Variants in NCALD observed in about 807,000 individuals in gnomAD.
The protein encoded by NCALD is neurocalcin delta.
A neutral mutation model predicts 18.6 loss-of-function variants in NCALD; 10 were observed. That is an observed-to-expected ratio of 0.54 (90% CI 0.33 to 0.91). NCALD has a LOEUF of 0.91. NCALD is among the 40% of genes least tolerant of loss of function. NCALD has a pLI of 0.03. For missense variants in NCALD, 184 were observed against 247.6 expected (o/e 0.74, Z 1.72); for synonymous variants, 88 against 87.4 (o/e 1.01, Z -0.04).
rs1235878520 is a variant in NCALD at position 101,707,159 on chromosome 8, GTT to G, written c.378+12091_378+12092del. On this transcript the variant is annotated intron_variant, in intron 2 of 3. Transcript: ENST00000220931. ...TCCCCCAGAATCAGAAGACCACAGT[GTT>G]TCAGGTCTCCAAGGCCCATATTAAA... is the stretch of plus-strand genomic sequence containing the variant. 5.3e-5 allele frequency among the ~76,000 whole-genome samples: 8 copies of G among 152,218 alleles called. No homozygotes were observed. In the East Asian group the frequency reaches 1.5e-3, roughly 29 times the overall value.
At chr8:102,082,782 G>A (rs997875205) in intron 1 of NCALD, among the ~76,000 whole-genome samples, 2 of 152,168 alleles carry the variant, frequency 1.3e-5, no homozygotes, top group African/African-American at 2.4e-5. Context: ...AAGATTTCCT[G>A]GCCGTAAGAG....
chr8:101,915,159 G>A (rs1200192304), intron 3 of NCALD, among the ~76,000 whole-genome samples: 1 of 152,110 alleles, frequency 6.6e-6, no homozygotes, highest in African/African-American at 2.4e-5. Flanking sequence ...ACAGATATTT[G>A]GATGTGTTCC....
intron 4 of NCALD, among the ~76,000 whole-genome samples, chr8:101,821,609 G>A (rs373633782): frequency 5.9e-5 from 9 of 152,206 alleles, no homozygotes; most frequent in East Asian, 5.8e-4. Flanking sequence ...ACGAGGTCCT[G>A]TTTAGGATTC....
chr8:102,075,947 G>C (rs938895646), intron 1 of NCALD, among the ~76,000 whole-genome samples: 1 of 148,390 alleles, frequency 6.7e-6, no homozygotes, highest in Non-Finnish European at 1.5e-5. Context: ...GCGAGATTCT[G>C]TCTCAAAAAA....
intron 1 of NCALD, among the ~76,000 whole-genome samples, chr8:102,022,464 G>T (rs1290486792): frequency 1.3e-5 from 2 of 152,168 alleles, no homozygotes; most frequent in South Asian, 2.1e-4. Context: ...AAATGGTTCA[G>T]ATTGAGAACA....
Position 101,815,366 on chromosome 8 carries a change from CAGAT to C in NCALD, c.-20+71771_-20+71774del, listed in dbSNP as rs572156664. The stretch of plus-strand genomic sequence containing the variant: ...GGAGAAAAGGCAATACAATAGAGCA[CAGAT>C]AGTCTTTTCAACAAATGGTGCTAGA... On this transcript the variant is annotated intron_variant, in intron 4 of 6. Transcript: ENST00000311028. Among the ~76,000 whole-genome samples, 221 of 152,138 alleles carry C rather than the reference CAGAT, an allele frequency of 1.5e-3. No homozygotes were observed. The Middle Eastern group carries it at 0.02, about 14-fold the overall frequency.
At chr8:101,740,169 G>A (rs1810123100) in intron 1 of NCALD, among the ~76,000 whole-genome samples, 1 of 152,188 alleles carries the variant, frequency 6.6e-6, no homozygotes, top group South Asian at 2.1e-4. Context: ...AGAGGACACT[G>A]CTTTTAGAAT....
Position 101,816,774 on chromosome 8 carries a change from G to A in NCALD, c.-20+70367C>T, listed in dbSNP as rs145347346. ...AACCCATAGAATGTACAACACCAGGGGTGAACTGTAATGCAAACTATGGAC... is the reference window on the plus strand; with the variant it reads ...AACCCATAGAATGTACAACACCAGGAGTGAACTGTAATGCAAACTATGGAC... On this transcript the variant is annotated intron_variant, in intron 4 of 6. Transcript: ENST00000311028. 5.7e-3 allele frequency among the ~76,000 whole-genome samples: 869 copies of A among 152,206 alleles called. 11 individuals are homozygous for A. The highest frequency in any genetic ancestry group is 0.018 in the African/African-American group (763 of 41,546).
At chr8:102,004,966 G>A (rs1467540800) in intron 2 of NCALD, among the ~76,000 whole-genome samples, 13 of 152,218 alleles carry the variant, frequency 8.5e-5, no homozygotes, top group East Asian at 7.7e-4. Context: ...GGACATAGTC[G>A]TGGGCAAGGA....
chr8:101,916,630 A>T (rs1051913010), intron 2 of NCALD, among the ~76,000 whole-genome samples: 5 of 152,118 alleles, frequency 3.3e-5, no homozygotes, highest in African/African-American at 9.7e-5. Flanking sequence ...AGAGACCCAT[A>T]GGCTCAAAGT....
In NCALD at chr8:101,855,495, A is replaced by G. The variant is rs375594472; in HGVS notation, c.-20+31646T>C. Among the ~76,000 whole-genome samples the G allele has an allele frequency of 6.1e-4, 93 of 152,308 alleles. 2 individuals carry two copies. In the South Asian group the frequency reaches 0.019, roughly 31 times the overall value. ...GTGAGAAATAAACTTTAGTTTCAAT[A>G]AGCCACTGAGATTTGGGGGGCTGTT... On this transcript the variant is annotated intron_variant, in intron 4 of 6. Transcript: ENST00000311028.
At chr8:101,696,736 T>G (rs529236058) in intron 2 of NCALD, among the ~76,000 whole-genome samples, 87 of 152,278 alleles carry the variant, frequency 5.7e-4, no homozygotes, top group Non-Finnish European at 9.9e-4. Context: ...CAGTCAGTGG[T>G]GTTCAGAGAA....
intron 1 of NCALD, among the ~76,000 whole-genome samples, chr8:102,021,362 T>C (rs1289884428): frequency 6.6e-6 from 1 of 152,246 alleles, no homozygotes; most frequent in Non-Finnish European, 1.5e-5. Flanking sequence ...GAAACAATAC[T>C]ATTTTATATA....
chr8:101,702,394 C>T (rs1157652284), intron 2 of NCALD, among the ~76,000 whole-genome samples: 1 of 152,090 alleles, frequency 6.6e-6, no homozygotes, highest in African/African-American at 2.4e-5. Flanking sequence ...TGCCACCACA[C>T]TGGGTAATTT....
intron 1 of NCALD, among the ~76,000 whole-genome samples, chr8:102,059,734 A>C (rs1001216445): frequency 3.9e-5 from 6 of 152,156 alleles, no homozygotes; most frequent in African/African-American, 1.4e-4. Flanking sequence ...GGAGGGGAAA[A>C]GTCTTCTTTT....
intron 2 of NCALD, among the ~76,000 whole-genome samples, chr8:101,981,597 G>T (rs896259869): frequency 5.9e-5 from 9 of 152,142 alleles, no homozygotes; most frequent in African/African-American, 2.2e-4. Flanking sequence ...CTGCCCAAAG[G>T]TTACTTTTGT....
chr8:101,911,531 T>C (rs941404926), intron 3 of NCALD, among the ~76,000 whole-genome samples: 5 of 151,738 alleles, frequency 3.3e-5, no homozygotes, highest in African/African-American at 1.2e-4. Flanking sequence ...CGAATTTTTG[T>C]ATTTTCAGTA....
At chr8:102,024,120 C>T (rs1359771837) in intron 1 of NCALD, among the ~76,000 whole-genome samples, 1 of 152,090 alleles carries the variant, frequency 6.6e-6, no homozygotes, top group African/African-American at 2.4e-5. Flanking sequence ...TCATGCGTAA[C>T]TGAATGGGAA....
At chr8:101,909,050 T>C (rs1046558635) in intron 3 of NCALD, among the ~76,000 whole-genome samples, 26 of 152,146 alleles carry the variant, frequency 1.7e-4, no homozygotes, top group African/African-American at 6.3e-4. Context: ...TTTAACTCTA[T>C]AAGGAAAGTG....
Sources: allele counts gnomAD v4.1 joint callset (sites outside exome capture counted in the v4.1 genomes callset), GRCh38; gene constraint gnomAD v4.1.1; transcripts MANE v1.5; gene names NCBI Gene and HGNC (gene_info 2026-07-23, HGNC 2026-07-21).